Variants in SLC39A11 observed in about 807,000 individuals in gnomAD.
SLC39A11 encodes the protein zinc transporter ZIP11.
Under a neutral mutation model 36.1 loss-of-function variants are expected in SLC39A11, and 33 were observed. The ratio of observed to expected loss-of-function variants is 0.91; its 90% CI spans 0.69 to 1.22. The LOEUF (loss-of-function observed/expected upper bound fraction) is 1.22. SLC39A11 is among the 50% of genes most tolerant of loss of function. The pLI is 0.00. For synonymous variants in SLC39A11, 166 were observed against 170.3 expected, an observed-to-expected ratio of 0.97 and a Z score of 0.20; for missense variants, 432 against 430.3, an observed-to-expected ratio of 1.00 and a Z score of -0.03.
chr17:72,918,045 G>A (rs573154622), intron 5 of SLC39A11, among the ~76,000 whole-genome samples: 4 of 152,338 alleles, frequency 2.6e-5, no homozygotes, highest in East Asian at 1.9e-4. Context: ...CTGAACTTAC[G>A]AGATTCGTGG....
chr17:72,901,576 G>A (rs932874291), intron 5 of SLC39A11, among the ~76,000 whole-genome samples: 36 of 152,200 alleles, frequency 2.4e-4, no homozygotes, highest in Admixed American at 1.0e-3. Context: ...TTTGTGTGAA[G>A]ATTCACCACT....
intron 5 of SLC39A11, among the ~76,000 whole-genome samples, chr17:72,941,275 T>C (rs893885822): frequency 3.9e-5 from 6 of 152,132 alleles, no homozygotes; most frequent in South Asian, 2.1e-4. Flanking sequence ...TCTGTCTCGA[T>C]AAAAAGACAG....
intron 4 of SLC39A11, among the ~76,000 whole-genome samples, chr17:73,012,662 C>T (rs1448416581): frequency 6.6e-6 from 1 of 151,972 alleles, no homozygotes; most frequent in African/African-American, 2.4e-5. Flanking sequence ...AGCACAGTAC[C>T]CAGTAGGTAG....
intron 6 of SLC39A11, among the ~76,000 whole-genome samples, chr17:72,812,055 A>C (rs888015526): frequency 6.6e-6 from 1 of 152,252 alleles, no homozygotes; most frequent in African/African-American, 2.4e-5. Flanking sequence ...CAATGAACTT[A>C]GTGAATCACT....
intron 6 of SLC39A11, among the ~76,000 whole-genome samples, chr17:72,765,124 T>A (rs1047428389): frequency 2.6e-5 from 4 of 152,210 alleles, no homozygotes; most frequent in African/African-American, 9.6e-5. Context: ...AGTGTAGACA[T>A]AAATGACTAC....
chr17:72,650,834 C>T (rs2069815931), intron 7 of SLC39A11, among the ~76,000 whole-genome samples: 1 of 152,160 alleles, frequency 6.6e-6, no homozygotes, highest in South Asian at 2.1e-4. Context: ...CTGCCTATGA[C>T]CTGCCCCAGG....
chr17:72,946,724 G>GA (rs138743924), intron 5 of SLC39A11, among the ~76,000 whole-genome samples: 1 of 152,044 alleles, frequency 6.6e-6, no homozygotes, highest in South Asian at 2.1e-4. Flanking sequence ...ATCCAAAGGG[G>GA]AAAAAAAGGC....
At chr17:72,705,364 G>A (rs1489986251) in intron 7 of SLC39A11, among the ~76,000 whole-genome samples, 1 of 152,156 alleles carries the variant, frequency 6.6e-6, no homozygotes, top group East Asian at 1.9e-4. Flanking sequence ...GAATTTATAT[G>A]TTCCATATTA....
At chr17:72,740,898 C>A (rs2074666835) in intron 6 of SLC39A11, among the ~76,000 whole-genome samples, 2 of 151,586 alleles carry the variant, frequency 1.3e-5, no homozygotes, top group Non-Finnish European at 2.9e-5. Context: ...CCTCAGCCTC[C>A]CGAGTAGCTG....
chr17:72,906,276 G>T (rs1412513065), intron 5 of SLC39A11, among the ~76,000 whole-genome samples: 1 of 152,252 alleles, frequency 6.6e-6, no homozygotes, highest in African/African-American at 2.4e-5. Context: ...GGGAGAAGAG[G>T]AGGAAGTCAG....
At chr17:72,711,736 T>C (rs1029912337) in intron 7 of SLC39A11, among the ~76,000 whole-genome samples, 4 of 152,108 alleles carry the variant, frequency 2.6e-5, no homozygotes, top group African/African-American at 7.2e-5. Context: ...TCCCATCAGG[T>C]TGAGCAACAC....
chr17:72,791,421 C>G, intron 6 of SLC39A11, among the ~76,000 whole-genome samples: 1 of 152,324 alleles, frequency 6.6e-6, no homozygotes, highest in South Asian at 2.1e-4. Flanking sequence ...CACTGCACTC[C>G]AGACTGGGTG....
chr17:73,059,836 A>G (rs1195261553), intron 3 of SLC39A11, among the ~76,000 whole-genome samples: 1 of 152,166 alleles, frequency 6.6e-6, no homozygotes, highest in African/African-American at 2.4e-5. Context: ...GAGGGAAGGT[A>G]TAGATAGGAT....
At chr17:72,902,832 G>A (rs1409115066) in intron 5 of SLC39A11, among the ~76,000 whole-genome samples, 1 of 152,112 alleles carries the variant, frequency 6.6e-6, no homozygotes, top group Non-Finnish European at 1.5e-5. Flanking sequence ...TCAGTCCCAA[G>A]GCCTTTTTCC....
chr17:73,048,989 AG>A, intron 3 of SLC39A11, among the ~76,000 whole-genome samples: 1 of 152,284 alleles, frequency 6.6e-6, no homozygotes, highest in East Asian at 1.9e-4. Context: ...CAAATGACAA[AG>A]GGGTGTCATT....
chr17:72,861,667 ATAT>A (rs1261228964), intron 5 of SLC39A11, among the ~76,000 whole-genome samples: 10 of 109,744 alleles, frequency 9.1e-5, no homozygotes, highest in Admixed American at 3.6e-4. Flanking sequence ...TTATATATAT[ATAT>A]ATATATATAT....
At position 72,778,640 on chromosome 17, in the gene SLC39A11, T is replaced by C. The variant is rs1182936077; in HGVS notation, c.602-41921A>G. ...TAGGAGGGGATGTCAGGGCTTTCAT[T>C]AGAGCCACCACCAGCTGCTCTGTCC... On this transcript the variant is annotated intron_variant, in intron 6 of 9. Coordinates refer to ENST00000255559, the MANE Select transcript of SLC39A11 (RefSeq NM_139177.4). 2.0e-5 allele frequency among the ~76,000 whole-genome samples: 3 copies of C among 152,316 alleles called. No individual in the cohort carries two copies. In the South Asian group the frequency reaches 6.2e-4, roughly 32 times the overall value.
chr17:72,758,132 C>T (rs562041734), intron 6 of SLC39A11, among the ~76,000 whole-genome samples: 39 of 152,222 alleles, frequency 2.6e-4, no homozygotes, highest in Middle Eastern at 3.4e-3. Context: ...GTGATCCACT[C>T]GCCTCCGCCT....
intron 7 of SLC39A11, among the ~76,000 whole-genome samples, chr17:72,729,457 A>ATTTTTTTT (rs55729197): frequency 4.1e-4 from 3 of 7,232 alleles, no homozygotes; most frequent in African/African-American, 6.7e-4. Context: ...ATATATATAT[A>ATTTTTTTT]TTTTTTTTTT....
Sources: gnomAD v4.1 joint callset for allele counts (sites outside exome capture counted in the v4.1 genomes callset) on GRCh38, gnomAD v4.1.1 for gene constraint, MANE v1.5 for transcripts, NCBI Gene and HGNC (gene_info 2026-07-23, HGNC 2026-07-21) for gene names.